Variants in FOXP2 observed in about 807,000 individuals in gnomAD.
The protein encoded by FOXP2 is forkhead box protein P2.
In FOXP2, 12 loss-of-function variants were observed where a neutral mutation model predicts 115.8. That is an observed-to-expected ratio of 0.10 (90% CI 0.07 to 0.17). The LOEUF (loss-of-function observed/expected upper bound fraction) is 0.17, where lower values mean the gene tolerates loss of function less well. FOXP2 is among the 10% of genes least tolerant of loss of function. FOXP2 has a pLI of 1.00. For missense variants in FOXP2, 629 were observed against 843.5 expected (o/e 0.75, Z 3.15); for synonymous variants, 328 against 297.7 (o/e 1.10, Z -1.05).
At position 114,347,866 on chromosome 7, in the gene FOXP2, A is replaced by G. The variant is rs989202144; in HGVS notation, c.-11+59757A>G. On this transcript the variant is annotated intron_variant, in intron 2 of 17. Coordinates refer to the FOXP2 transcript ENST00000634411. ...CTATTTGGTTAATATAAATGTTGCT[A>G]TGCATATTATTTAAAAATCTTGCCA... Among the ~76,000 whole-genome samples the G allele has an allele frequency of 1.7e-4, 26 of 152,090 alleles. 1 individual carries two copies. Among genetic ancestry groups the G allele is most frequent in the African/African-American group, 5.5e-4 (23 of 41,444 alleles).
At chr7:114,564,657 A>T (rs1165614148) in intron 3 of FOXP2, among the ~76,000 whole-genome samples, 1 of 152,066 alleles carries the variant, frequency 6.6e-6, no homozygotes, top group Non-Finnish European at 1.5e-5. Flanking sequence ...AGGTGGGAGG[A>T]TCACTTGAGC....
chr7:114,565,941 T>C (rs1563003262), intron 3 of FOXP2, among the ~76,000 whole-genome samples: 1 of 152,190 alleles, frequency 6.6e-6, no homozygotes, highest in Non-Finnish European at 1.5e-5. Flanking sequence ...GATTTCTCTT[T>C]TCTTCATCTT....
Position 114,691,474 on chromosome 7 carries a change from C to T in FOXP2, c.*1548C>T, listed in dbSNP as rs567489089. On this transcript the variant is annotated 3_prime_UTR_variant, in exon 17 of 17. Coordinates refer to ENST00000350908, the MANE Select transcript of FOXP2 (RefSeq NM_014491.4). Reference sequence around the variant, plus strand: ...ACGGGATATTAACACTAACAATACACTCCCTTCAAAGACTTGCACAGGCCA... The same window carrying T: ...ACGGGATATTAACACTAACAATACATTCCCTTCAAAGACTTGCACAGGCCA... 6.6e-6 allele frequency: 3 copies of T among 453,954 alleles called. No homozygotes were observed. In the East Asian group the frequency reaches 2.1e-4, roughly 32 times the overall value. 28.1% of individuals were successfully genotyped at this position (453,954 alleles called of 1,614,324 possible).
chr7:114,612,438 CAT>C (rs537668174), intron 3 of FOXP2, among the ~76,000 whole-genome samples: 1 of 151,486 alleles, frequency 6.6e-6, no homozygotes. Context: ...CACACACACA[CAT>C]ATATATATAG....
chr7:114,560,723 T>C (rs940889837), intron 3 of FOXP2, among the ~76,000 whole-genome samples: 11 of 152,250 alleles, frequency 7.2e-5, no homozygotes, highest in African/African-American at 2.7e-4. Flanking sequence ...CTTTTAGTCT[T>C]ATCTTTGGTC....
At chr7:114,510,341 A>G (rs535568251) in intron 2 of FOXP2, among the ~76,000 whole-genome samples, 1 of 152,238 alleles carries the variant, frequency 6.6e-6, no homozygotes, top group African/African-American at 2.4e-5. Flanking sequence ...ATTCCATTCA[A>G]TTATCTCTTT....
intron 2 of FOXP2, chr7:114,297,037 T>A (rs1470478837): frequency 3.1e-6 from 1 of 324,120 alleles, no homozygotes; most frequent in African/African-American, 2.2e-5. Context: ...TACTTTTTAG[T>A]TATATCCACT....
chr7:114,086,485 C>G (rs953095096), upstream of FOXP2: 14 of 348,594 alleles, frequency 4.0e-5, no homozygotes, highest in African/African-American at 3.2e-4. Context: ...CCCCCCCTCC[C>G]CGGGCGCGCC....
intron 1 of FOXP2, among the ~76,000 whole-genome samples, chr7:114,240,488 A>G (rs1247441673): frequency 1.3e-5 from 2 of 152,084 alleles, no homozygotes; most frequent in Non-Finnish European, 2.9e-5. Context: ...ATATTAAAAA[A>G]TGCATCGTTT....
In FOXP2 at chr7:114,267,728, AAAATAAATAAATAAATAAATAAAT is replaced by A. The variant is rs200341220; in HGVS notation, c.-101-20259_-101-20236del. Among the ~76,000 whole-genome samples, 780 of 131,814 alleles carry A rather than the reference AAAATAAATAAATAAATAAATAAAT, an allele frequency of 5.9e-3. 7 individuals carry two copies. The highest frequency in any genetic ancestry group is 0.021 in the African/African-American group (738 of 35,234). The allele number at this position is 131,814 out of a possible 152,430, so 86.5% of individuals were successfully genotyped here. ...GGAGACAGAGCGAGACTCCATCTCA[AAAATAAATAAATAAATAAATAAAT>A]AAATAAATAAATAAATAAATAAATA... On this transcript the variant is annotated intron_variant, in intron 1 of 17. Coordinates refer to the FOXP2 transcript ENST00000634411.
intron 2 of FOXP2, among the ~76,000 whole-genome samples, chr7:114,318,451 A>G (rs1797329127): frequency 8.5e-6 from 1 of 118,234 alleles, no homozygotes; most frequent in Non-Finnish European, 1.8e-5. Context: ...TTCATTTTCT[A>G]TTATCTGACC....
intron 1 of FOXP2, among the ~76,000 whole-genome samples, chr7:114,190,022 G>T (rs1445869508): frequency 6.6e-6 from 1 of 152,156 alleles, no homozygotes; most frequent in Non-Finnish European, 1.5e-5. Flanking sequence ...GTACTCACTT[G>T]ATGCATTCTA....
intron 2 of FOXP2, among the ~76,000 whole-genome samples, chr7:114,288,505 G>A (rs766475267): frequency 1.6e-4 from 25 of 151,700 alleles, no homozygotes; most frequent in Non-Finnish European, 3.4e-4. Flanking sequence ...ATTTGGTATT[G>A]AAGTTTTGGG....
intron 1 of FOXP2, among the ~76,000 whole-genome samples, chr7:114,274,782 G>GT (rs1429278038): frequency 2.0e-5 from 3 of 150,790 alleles, no homozygotes; most frequent in Non-Finnish European, 4.4e-5. Flanking sequence ...TGCCCGACTA[G>GT]TTTTTTTATG....
At chr7:114,539,969 C>A (rs963878585) in intron 3 of FOXP2, among the ~76,000 whole-genome samples, 1 of 151,936 alleles carries the variant, frequency 6.6e-6, no homozygotes, top group African/African-American at 2.4e-5. Context: ...AGATACCCAA[C>A]CTTTCAAGAT....
intron 2 of FOXP2, among the ~76,000 whole-genome samples, chr7:114,404,207 A>C (rs1792962521): frequency 6.6e-6 from 1 of 152,148 alleles, no homozygotes; most frequent in Non-Finnish European, 1.5e-5. Flanking sequence ...CAATTTTGTC[A>C]AGGTTTAGTC....
chr7:114,424,300 TC>T (rs1050768345), intron 1 of FOXP2, among the ~76,000 whole-genome samples: 2 of 151,446 alleles, frequency 1.3e-5, no homozygotes, highest in Admixed American at 6.6e-5. Context: ...GCTGCACCTG[TC>T]TGCTACACTG....
At chr7:114,164,320 C>G (rs534005998) in intron 1 of FOXP2, among the ~76,000 whole-genome samples, 1 of 150,750 alleles carries the variant, frequency 6.6e-6, no homozygotes, top group East Asian at 1.9e-4. Context: ...TCGTTTTGGA[C>G]TTAGATGTTC....
intron 2 of FOXP2, among the ~76,000 whole-genome samples, chr7:114,466,840 A>G (rs1292612625): frequency 6.6e-6 from 1 of 152,216 alleles, no homozygotes; most frequent in African/African-American, 2.4e-5. Context: ...TGCTTTTCCC[A>G]AATTCAAAAC....
Sources: allele counts gnomAD v4.1 joint callset (sites outside exome capture counted in the v4.1 genomes callset), GRCh38; gene constraint gnomAD v4.1.1; transcripts MANE v1.5; gene names NCBI Gene and HGNC (gene_info 2026-07-23, HGNC 2026-07-21).